NELL2: variants seen among roughly 807,000 people sequenced by gnomAD.
NELL2 encodes the protein neural EGFL like 2, also known as protein kinase C-binding protein NELL2.
NELL2 carries 41 observed loss-of-function variants against 109.6 expected under a neutral mutation model. The observed-to-expected ratio is 0.37, with a 90% CI of 0.29 to 0.49. NELL2 has a LOEUF of 0.49. Ranked by LOEUF, NELL2 falls within the 20% of genes least tolerant of loss-of-function variation. The pLI is 0.98. For missense variants in NELL2, 900 were observed against 1,008.3 expected, an observed-to-expected ratio of 0.89 and a Z score of 1.45; for synonymous variants, 355 against 344.7, an observed-to-expected ratio of 1.03 and a Z score of -0.33.
chr12:44,762,946 C>A (rs1285913777), intron 9 of NELL2, among the ~76,000 whole-genome samples: 1 of 152,128 alleles, frequency 6.6e-6, no homozygotes, highest in African/African-American at 2.4e-5. Context: ...ATGCCTAGAA[C>A]AATCATTCCA....
chr12:44,755,064 C>G (rs1488769477), intron 9 of NELL2, among the ~76,000 whole-genome samples: 1 of 152,156 alleles, frequency 6.6e-6, no homozygotes, highest in East Asian at 1.9e-4. Flanking sequence ...ATCCCACCAA[C>G]CTCCTCCTCA....
chr12:44,516,771 C>T (rs561925666), intron 19 of NELL2, among the ~76,000 whole-genome samples: 72 of 152,208 alleles, frequency 4.7e-4, no homozygotes, highest in African/African-American at 1.6e-3. Flanking sequence ...AGTGGGCCTT[C>T]TGAGCAGTTG....
intron 13 of NELL2, among the ~76,000 whole-genome samples, chr12:44,641,577 A>T (rs1036532132): frequency 6.6e-6 from 1 of 151,910 alleles, no homozygotes; most frequent in Non-Finnish European, 1.5e-5. Context: ...CCCCATAAAT[A>T]TGAGTAAGGC....
intron 9 of NELL2, among the ~76,000 whole-genome samples, chr12:44,740,241 G>A (rs898621077): frequency 1.3e-5 from 2 of 152,128 alleles, no homozygotes; most frequent in African/African-American, 4.8e-5. Flanking sequence ...TTTTAAGAAC[G>A]ACGTACAGAT....
At chr12:44,523,853 G>C (rs1941648025) in intron 16 of NELL2, among the ~76,000 whole-genome samples, 1 of 152,078 alleles carries the variant, frequency 6.6e-6, no homozygotes, top group South Asian at 2.1e-4. Flanking sequence ...TACTTTAATG[G>C]GGATATCATC....
intron 9 of NELL2, among the ~76,000 whole-genome samples, chr12:44,765,878 A>G (rs561593418): frequency 1.2e-4 from 19 of 152,190 alleles, no homozygotes; most frequent in Non-Finnish European, 2.5e-4. Flanking sequence ...TAATCTGAGC[A>G]CTTTGGGAGG....
chr12:44,587,877 C>A (rs117431463), intron 15 of NELL2, among the ~76,000 whole-genome samples: 176 of 152,058 alleles, frequency 1.2e-3, no homozygotes, highest in African/African-American at 3.8e-3. Context: ...TTCGGTTGGG[C>A]GCAGTGGCTC....
At chr12:44,642,713 C>A in intron 13 of NELL2, among the ~76,000 whole-genome samples, 1 of 152,120 alleles carries the variant, frequency 6.6e-6, no homozygotes, top group Non-Finnish European at 1.5e-5. Flanking sequence ...GAAACCCTAT[C>A]TCTACTAAAA....
intron 12 of NELL2, among the ~76,000 whole-genome samples, chr12:44,680,162 C>G (rs1432222807): frequency 1.3e-5 from 2 of 152,056 alleles, no homozygotes; most frequent in Admixed American, 1.3e-4. Context: ...TGTTACCCAT[C>G]CAGAGTTGCT....
At chr12:44,548,567 A>G (rs1212998246) in intron 15 of NELL2, among the ~76,000 whole-genome samples, 1 of 151,834 alleles carries the variant, frequency 6.6e-6, no homozygotes, top group African/African-American at 2.4e-5. Context: ...ACAAAAGAAA[A>G]AACCAAGAAG....
At chr12:44,864,389 G>A (rs2136816186) in intron 2 of NELL2, among the ~76,000 whole-genome samples, 1 of 152,026 alleles carries the variant, frequency 6.6e-6, no homozygotes, top group East Asian at 1.9e-4. Context: ...AAAATTCCAT[G>A]GAAATGGAAA....
At chr12:44,834,305 A>T (rs904766451) in intron 2 of NELL2, among the ~76,000 whole-genome samples, 3 of 152,136 alleles carry the variant, frequency 2.0e-5, no homozygotes, top group African/African-American at 7.2e-5. Flanking sequence ...TCTTATTTGT[A>T]GCATTTATGT....
intron 3 of NELL2, among the ~76,000 whole-genome samples, chr12:44,781,264 A>G (rs142481284): frequency 5.4e-4 from 82 of 152,186 alleles, no homozygotes; most frequent in African/African-American, 1.9e-3. Flanking sequence ...AGCTCAGTGG[A>G]TAAAGCTAAA....
intron 9 of NELL2, among the ~76,000 whole-genome samples, chr12:44,744,006 A>G (rs1225417156): frequency 6.6e-6 from 1 of 152,050 alleles, no homozygotes; most frequent in African/African-American, 2.4e-5. Context: ...CATTTTTTTC[A>G]GCACCACACC....
intron 2 of NELL2, among the ~76,000 whole-genome samples, chr12:44,818,725 AT>A (rs1409987918): frequency 2.8e-5 from 2 of 72,176 alleles, no homozygotes; most frequent in African/African-American, 1.1e-4. Context: ...TTGTTCACTT[AT>A]TTTTTTTTTT....
chr12:44,523,506 A>C, intron 16 of NELL2, 22 bp from the exon 17 acceptor site: 1 of 1,607,838 alleles, frequency 6.2e-7, no homozygotes, highest in Non-Finnish European at 8.5e-7. Flanking sequence ...AAAAAGCAGC[A>C]CTCAATGTGC....
intron 14 of NELL2, 92 bp downstream of exon 14, chr12:44,610,756 A>G (rs2136251516): frequency 6.5e-7 from 1 of 1,537,162 alleles, no homozygotes; most frequent in East Asian, 2.3e-5. Flanking sequence ...AGTACCTGGA[A>G]TGTACATAAC....
chr12:44,904,649 G>A (rs963323667), intron 1 of NELL2, among the ~76,000 whole-genome samples: 7 of 152,086 alleles, frequency 4.6e-5, no homozygotes, highest in African/African-American at 1.7e-4. Flanking sequence ...GAGCTACTGA[G>A]ATTTGAGATT....
intron 12 of NELL2, among the ~76,000 whole-genome samples, chr12:44,680,717 A>G (rs1219183744): frequency 6.6e-6 from 1 of 152,162 alleles, no homozygotes; most frequent in Non-Finnish European, 1.5e-5. Flanking sequence ...ATTGACTCAA[A>G]GAAGCCAGGT....
Sources: allele counts gnomAD v4.1 joint callset (sites outside exome capture counted in the v4.1 genomes callset), GRCh38; gene constraint gnomAD v4.1.1; transcripts MANE v1.5; gene names NCBI Gene and HGNC (gene_info 2026-07-23, HGNC 2026-07-21).